Variants in AFF1 observed in about 807,000 individuals in gnomAD.
AFF1 encodes ALF transcription elongation factor 1.
AFF1 carries 48 observed loss-of-function variants against 121.7 expected under a neutral mutation model. That is an observed-to-expected ratio of 0.39 (90% confidence interval 0.31 to 0.50). The LOEUF is 0.50. Among genes scored for constraint, AFF1 ranks in the 20% least tolerant of loss-of-function variants. The probability of loss-of-function intolerance (pLI) is 0.76; values close to 1 mark genes in which losing one functional copy is unlikely to be tolerated. For synonymous variants in AFF1, 613 were observed against 563.0 expected, an observed-to-expected ratio of 1.09 and a Z score of -1.26; for missense variants, 1,523 against 1,511.7, an observed-to-expected ratio of 1.01 and a Z score of -0.12.
rs1221821975 is a variant in AFF1 at position 87,047,610 on chromosome 4, T to C, written c.1059+16T>C. 9.3e-6 allele frequency: 15 copies of C among 1,613,826 alleles called. No homozygotes were observed. Among genetic ancestry groups the C allele is most frequent in the Non-Finnish European group, 1.3e-5 (15 of 1,179,932 alleles). On this transcript the variant is annotated intron_variant, in intron 4 of 20. Transcript: ENST00000395146. ...GTCAGTTGAGGTGTGTGGAATTTCT[T>C]ATCTTGGGGAATTCCAATTCGAAGA...
At chr4:86,948,672 A>G in intron 2 of AFF1, 101 bp downstream of exon 2, 2 of 1,106,438 alleles carry the variant, frequency 1.8e-6, no homozygotes, top group South Asian at 3.4e-5. Context: ...CAACTTAAGA[A>G]CTCACGGGTG....
intron 2 of AFF1, among the ~76,000 whole-genome samples, chr4:86,963,582 G>A (rs1722307001): frequency 1.3e-5 from 2 of 152,122 alleles, no homozygotes; most frequent in African/African-American, 2.4e-5. Context: ...GTCCAGTATT[G>A]TATTTTAACC....
intron 2 of AFF1, among the ~76,000 whole-genome samples, chr4:86,997,609 A>C (rs1263336440): frequency 1.3e-5 from 2 of 151,706 alleles, no homozygotes; most frequent in Admixed American, 6.6e-5. Flanking sequence ...AAAAATACAA[A>C]AAATTAGCCG....
At chr4:87,071,954 C>T (rs886743057) in intron 4 of AFF1, among the ~76,000 whole-genome samples, 2 of 151,908 alleles carry the variant, frequency 1.3e-5, no homozygotes, top group Admixed American at 6.6e-5. Context: ...GATTAAAGGC[C>T]AACGGGAATC....
intron 16 of AFF1, among the ~76,000 whole-genome samples, chr4:87,129,260 C>T (rs1728583964): frequency 6.6e-6 from 1 of 152,196 alleles, no homozygotes; most frequent in African/African-American, 2.4e-5. Context: ...CAAAGATGTG[C>T]AGTTGGTGTT....
At chr4:87,121,907 A>G (rs1727733436) in intron 12 of AFF1, among the ~76,000 whole-genome samples, 1 of 152,312 alleles carries the variant, frequency 6.6e-6, no homozygotes, top group African/African-American at 2.4e-5. Flanking sequence ...TGTGGTCTAT[A>G]AGGTCTGCCA....
chr4:87,030,499 A>G (rs1728962854), intron 2 of AFF1, among the ~76,000 whole-genome samples: 1 of 152,196 alleles, frequency 6.6e-6, no homozygotes, highest in African/African-American at 2.4e-5. Flanking sequence ...ATGAATGGTT[A>G]AAAAAATTCT....
At chr4:87,017,824 AAGAT>A (rs946270392) in intron 2 of AFF1, among the ~76,000 whole-genome samples, 6 of 152,150 alleles carry the variant, frequency 3.9e-5, no homozygotes, top group Non-Finnish European at 7.4e-5. Context: ...ACTTCAGTTA[AAGAT>A]AGATCTGTTG....
chr4:87,129,528 G>A (rs1370710569), intron 16 of AFF1, among the ~76,000 whole-genome samples: 2 of 152,224 alleles, frequency 1.3e-5, no homozygotes, highest in East Asian at 1.9e-4. Flanking sequence ...GAAAGAGATG[G>A]TGTTGAATAA....
intron 8 of AFF1, among the ~76,000 whole-genome samples, chr4:87,097,009 G>A (rs552488709): frequency 6.6e-6 from 1 of 152,298 alleles, no homozygotes; most frequent in South Asian, 2.1e-4. Context: ...CCAGTTGATG[G>A]CTGGTAAGGA....
chr4:87,007,492 G>A (rs1406792469), intron 2 of AFF1: 1 of 1,603,732 alleles, frequency 6.2e-7, no homozygotes, highest in African/African-American at 1.3e-5. Flanking sequence ...TTGCGGGGGA[G>A]GGCAGGGTGC....
intron 6 of AFF1, 82 bp from the exon 7 acceptor site, chr4:87,091,711 A>T: frequency 2.1e-6 from 2 of 946,026 alleles, no homozygotes; most frequent in Non-Finnish European, 3.2e-6. Flanking sequence ...CTATCCTTTT[A>T]ATACTAAAAG....
At position 87,137,665 on chromosome 4, in the gene AFF1, A is replaced by T. The variant is rs1003508144; in HGVS notation, c.*1964A>T. The T allele has an allele frequency of 9.0e-5, 21 of 232,408 alleles. No homozygotes were observed. The highest frequency in any genetic ancestry group is 1.3e-4 in the Non-Finnish European group (15 of 117,580). The allele number at this position is 232,408 out of a possible 1,614,324, so 14.4% of individuals were successfully genotyped here. Reference sequence around the variant, plus strand: ...TACTAGTTTTAAAAACCTGTGTTAAATGAACAGTAATTGCCTGGTAGGTTT... The same window carrying T: ...TACTAGTTTTAAAAACCTGTGTTAATTGAACAGTAATTGCCTGGTAGGTTT... On this transcript the variant is annotated 3_prime_UTR_variant, in exon 21 of 21. Coordinates refer to ENST00000395146, the MANE Select transcript of AFF1 (RefSeq NM_001166693.3).
At chr4:87,053,070 C>T (rs960495821) in intron 4 of AFF1, among the ~76,000 whole-genome samples, 98 of 152,078 alleles carry the variant, frequency 6.4e-4, no homozygotes, top group Non-Finnish European at 5.1e-4. Context: ...GAGTCTAACT[C>T]TGGGAAAATG....
intron 2 of AFF1, among the ~76,000 whole-genome samples, chr4:87,042,148 A>G (rs1057247959): frequency 6.6e-6 from 1 of 152,180 alleles, no homozygotes; most frequent in African/African-American, 2.4e-5. Context: ...TGATGTGTAT[A>G]GGCTCAACAA....
chr4:87,001,451 C>T lies in AFF1; in HGVS notation c.39-44715C>T, dbSNP rs530696925. On this transcript the variant is annotated intron_variant, in intron 2 of 20. Coordinates refer to ENST00000395146, the MANE Select transcript of AFF1 (RefSeq NM_001166693.3). ...CAGGATGGTCTGGATCTCCTGACCT[C>T]GTGATCCACCCGCCTCGGCCTCCCA... Among the ~76,000 whole-genome samples the T allele has an allele frequency of 3.6e-3, 549 of 151,950 alleles. 7 individuals are homozygous for T. Among genetic ancestry groups the T allele is most frequent in the African/African-American group, 0.013 (524 of 41,448 alleles).
At chr4:86,965,260 T>C (rs959143056) in intron 2 of AFF1, among the ~76,000 whole-genome samples, 1 of 152,264 alleles carries the variant, frequency 6.6e-6, no homozygotes, top group Non-Finnish European at 1.5e-5. Flanking sequence ...TTTGTCTTCA[T>C]TGACCTTTTA....
chr4:86,950,183 T>G lies in AFF1; in HGVS notation c.38+1612T>G. 7 of 1,405,962 alleles carry G rather than the reference T, an allele frequency of 5.0e-6. No individual in the cohort carries two copies. In the South Asian group the frequency reaches 5.8e-5, roughly 12 times the overall value. The allele number at this position is 1,405,962 out of a possible 1,614,324, so 87.1% of individuals were successfully genotyped here. On this transcript the variant is annotated intron_variant, in intron 2 of 20. Coordinates refer to ENST00000395146, the MANE Select transcript of AFF1 (RefSeq NM_001166693.3). ...GCTGCCCATGTCTCATCCCGAGGTA[T>G]TATTATTTTTTTAAGACAAAGTTTC... is the stretch of plus-strand genomic sequence containing the variant.
chr4:87,067,850 A>G (rs1721522040), intron 4 of AFF1, among the ~76,000 whole-genome samples: 1 of 152,228 alleles, frequency 6.6e-6, no homozygotes, highest in South Asian at 2.1e-4. Context: ...GGATGCACAG[A>G]GCATGGTTCA....
Sources: allele counts gnomAD v4.1 joint callset (sites outside exome capture counted in the v4.1 genomes callset), GRCh38; gene constraint gnomAD v4.1.1; transcripts MANE v1.5; gene names NCBI Gene and HGNC (gene_info 2026-07-23, HGNC 2026-07-21).